LTBP1: variants seen among roughly 807,000 people sequenced by gnomAD.
LTBP1 encodes latent-transforming growth factor beta-binding protein 1.
A neutral mutation model predicts 207.6 loss-of-function variants in LTBP1; 129 were observed. That is an observed-to-expected ratio of 0.62 (90% confidence interval 0.54 to 0.72). LTBP1 has a LOEUF of 0.72. LTBP1 is among the 30% of genes least tolerant of loss of function. The pLI is 0.00. For missense variants in LTBP1, 2,281 were observed against 2,217.2 expected (o/e 1.03, Z -0.58); for synonymous variants, 963 against 833.7 (o/e 1.16, Z -2.67).
intron 7 of LTBP1, among the ~76,000 whole-genome samples, chr2:33,190,070 A>G (rs1324824549): frequency 2.0e-5 from 3 of 152,162 alleles, no homozygotes; most frequent in Non-Finnish European, 2.9e-5. Context: ...GGTGTAGTGC[A>G]TGAGTTGTTT....
At chr2:33,206,379 T>C (rs934130572) in intron 7 of LTBP1, among the ~76,000 whole-genome samples, 1 of 152,176 alleles carries the variant, frequency 6.6e-6, no homozygotes, top group African/African-American at 2.4e-5. Flanking sequence ...ATGTTTTTGG[T>C]TCCTTTGATT....
In LTBP1 at chr2:33,146,641, C is replaced by T. The variant is rs553458134; in HGVS notation, c.1201+11681C>T. ...GGAACTCACAGTTCCGCAAGCTGTA[C>T]AGGAAGCATGGTTGGGGAGGCCTCA... is the stretch of plus-strand genomic sequence containing the variant. On this transcript the variant is annotated intron_variant, in intron 5 of 33. Coordinates refer to ENST00000404816, the MANE Select transcript of LTBP1 (RefSeq NM_206943.4). 4.6e-5 allele frequency among the ~76,000 whole-genome samples: 7 copies of T among 152,300 alleles called. No individual in the cohort carries two copies. The East Asian group carries it at 1.2e-3, about 25-fold the overall frequency.
chr2:33,139,847 A>AG lies in LTBP1; in HGVS notation c.1201+4889dup, dbSNP rs556156658. Among the ~76,000 whole-genome samples the AG allele has an allele frequency of 1.4e-3, 213 of 152,334 alleles. 1 individual carries two copies. The highest frequency in any genetic ancestry group is 4.9e-3 in the African/African-American group (205 of 41,562). On this transcript the variant is annotated intron_variant, in intron 5 of 33. Coordinates refer to ENST00000404816, the MANE Select transcript of LTBP1 (RefSeq NM_206943.4). ...TTCACTTAAATGTGGGACACATGAA[A>AG]GGTAATAATGGTAGATGACAGGTTG...
At chr2:33,004,523 G>A (rs1336869826) in intron 2 of LTBP1, among the ~76,000 whole-genome samples, 1 of 151,344 alleles carries the variant, frequency 6.6e-6, no homozygotes, top group African/African-American at 2.4e-5. Context: ...GGTCGGGTGC[G>A]GTGGCTCACA....
Position 33,363,491 on chromosome 2 carries a change from T to A in LTBP1, c.4372T>A (p.Tyr1458Asn). 6.2e-7 allele frequency: 1 copy of A among 1,613,908 alleles called. No homozygotes were observed. Among genetic ancestry groups the A allele is most frequent in the Non-Finnish European group, 8.5e-7 (1 of 1,179,808 alleles). Residue 1458 changes from tyrosine (Y) to asparagine (N), a missense_variant, in exon 29 of 34, where the codon TAT becomes AAT. Transcript: ENST00000404816. Reference protein sequence around the residue: ...YECYCKQGTYYDPVKLQCFDM... With the variant: ...YECYCKQGTYNDPVKLQCFDM... ...ATGCTACTGTAAGCAAGGGACGTAC[T>A]ATGATCCTGTGAAACTGCAGTGCTT...
At chr2:33,053,402 G>T (rs2076840237) in intron 3 of LTBP1, among the ~76,000 whole-genome samples, 1 of 152,112 alleles carries the variant, frequency 6.6e-6, no homozygotes, top group Non-Finnish European at 1.5e-5. Flanking sequence ...TGTACATTCT[G>T]TGGGTTTGGA....
At chr2:33,371,026 T>C (rs1026142363) in intron 31 of LTBP1, among the ~76,000 whole-genome samples, 3 of 152,270 alleles carry the variant, frequency 2.0e-5, no homozygotes, top group South Asian at 2.1e-4. Context: ...GCTTAAATAG[T>C]GTTCTCTGAA....
chr2:33,353,025 C>CTGGA (rs939183774), intron 26 of LTBP1, among the ~76,000 whole-genome samples: 1 of 130,926 alleles, frequency 7.6e-6, no homozygotes, highest in Non-Finnish European at 1.5e-5. Context: ...ATTGCGCAGG[C>CTGGA]TGGAGTGCAG....
rs532637712 is a variant in LTBP1 at position 33,144,603 on chromosome 2, A to G, written c.1201+9643A>G. The stretch of plus-strand genomic sequence containing the variant: ...ATAACATTTGATCCTACTTTGTGCT[A>G]TTCAGTTTGCTGTTGGTTGTGTAAC... On this transcript the variant is annotated intron_variant, in intron 5 of 33. Coordinates refer to ENST00000404816, the MANE Select transcript of LTBP1 (RefSeq NM_206943.4). Among the ~76,000 whole-genome samples the G allele has an allele frequency of 9.8e-5, 15 of 152,328 alleles. 1 individual carries two copies. The South Asian group carries it at 3.1e-3, about 32-fold the overall frequency.
intron 2 of LTBP1, among the ~76,000 whole-genome samples, chr2:32,978,416 A>T (rs1006185088): frequency 5.9e-5 from 9 of 151,778 alleles, no homozygotes; most frequent in Admixed American, 3.9e-4. Context: ...TCATGAAGGG[A>T]TGTTGAATTT....
intron 3 of LTBP1, among the ~76,000 whole-genome samples, chr2:33,040,361 G>A (rs1215783906): frequency 6.6e-6 from 1 of 152,198 alleles, no homozygotes; most frequent in Non-Finnish European, 1.5e-5. Context: ...TGGTTAAGGA[G>A]CTCACAGGTC....
At chr2:32,980,757 G>C (rs1314377458) in intron 2 of LTBP1, among the ~76,000 whole-genome samples, 1 of 152,108 alleles carries the variant, frequency 6.6e-6, no homozygotes, top group Non-Finnish European at 1.5e-5. Flanking sequence ...ACTTCTTACA[G>C]GACCAGTCTG....
intron 2 of LTBP1, among the ~76,000 whole-genome samples, chr2:32,952,406 G>A (rs919649334): frequency 5.9e-5 from 9 of 152,268 alleles, no homozygotes; most frequent in Admixed American, 5.2e-4. Context: ...GACACCATTT[G>A]TATGTGGATC....
intron 3 of LTBP1, among the ~76,000 whole-genome samples, chr2:33,041,371 G>A (rs987155822): frequency 6.6e-6 from 1 of 151,948 alleles, no homozygotes; most frequent in East Asian, 1.9e-4. Flanking sequence ...TGCAACCTCC[G>A]CCGCCTGGGT....
chr2:33,078,501 T>C (rs2078204601), intron 3 of LTBP1, among the ~76,000 whole-genome samples: 1 of 152,244 alleles, frequency 6.6e-6, no homozygotes, highest in Non-Finnish European at 1.5e-5. Context: ...ACCTGTGTTT[T>C]TACTGTGTGA....
At chr2:33,220,072 T>C (rs1422422665) in intron 8 of LTBP1, among the ~76,000 whole-genome samples, 5 of 152,222 alleles carry the variant, frequency 3.3e-5, no homozygotes, top group Non-Finnish European at 7.3e-5. Flanking sequence ...GCTCATTTAA[T>C]GTATAAAATT....
intron 2 of LTBP1, among the ~76,000 whole-genome samples, chr2:32,970,297 T>C (rs1280804699): frequency 6.6e-6 from 1 of 152,228 alleles, no homozygotes; most frequent in Non-Finnish European, 1.5e-5. Flanking sequence ...TTTTTGTTTT[T>C]GTTGCATTTC....
intron 31 of LTBP1, among the ~76,000 whole-genome samples, chr2:33,384,405 G>T (rs1221842254): frequency 6.6e-6 from 1 of 152,148 alleles, no homozygotes; most frequent in Non-Finnish European, 1.5e-5. Context: ...GGGTCGGGGA[G>T]GGTCTTTGAG....
At chr2:33,070,257 T>A (rs2077723294) in intron 3 of LTBP1, among the ~76,000 whole-genome samples, 1 of 152,232 alleles carries the variant, frequency 6.6e-6, no homozygotes, top group Non-Finnish European at 1.5e-5. Context: ...GAATAGTGTG[T>A]CATTTCTCCA....
Sources: gnomAD v4.1 joint callset for allele counts (sites outside exome capture counted in the v4.1 genomes callset) on GRCh38, gnomAD v4.1.1 for gene constraint, MANE v1.5 for transcripts, NCBI Gene and HGNC (gene_info 2026-07-23, HGNC 2026-07-21) for gene names.